The following ZNF695 variants were observed in gnomAD, a reference collection of about 807,000 sequenced individuals.
ZNF695 encodes the protein zinc finger protein SBZF3.
Under a neutral mutation model 11.2 loss-of-function variants are expected in ZNF695, and 11 were observed. The observed-to-expected ratio is 0.98, with a 90% confidence interval of 0.62 to 1.62. The LOEUF is 1.62. Among genes scored for constraint, ZNF695 ranks in the 40% most tolerant of loss-of-function variants. The probability of loss-of-function intolerance (pLI) is 0.00; values close to 1 mark genes in which losing one functional copy is unlikely to be tolerated. For missense variants in ZNF695, 559 were observed against 590.5 expected (o/e 0.95, Z 0.55); for synonymous variants, 190 against 201.4 (o/e 0.94, Z 0.48).
At chr1:246,960,370 A>G (rs553961350) in intron 5 of ZNF695, among the ~76,000 whole-genome samples, 1 of 152,294 alleles carries the variant, frequency 6.6e-6, no homozygotes, top group East Asian at 1.9e-4. Context: ...AAAAATTTAT[A>G]TTATATAGAG....
rs777835250 is a variant in ZNF695, at chr1:246,999,391, T to C, written c.216A>G (p.Lys72=). The C allele has an allele frequency of 3.7e-6, 6 of 1,614,126 alleles. No homozygotes were observed. The highest frequency in any genetic ancestry group is 1.7e-5 in the Admixed American group (1 of 60,026). Residue 72 remains lysine, a synonymous_variant, in exon 3 of 4, where the codon AAA becomes AAG. Coordinates refer to ENST00000339986, the MANE Select transcript of ZNF695 (RefSeq NM_020394.5). ...TCTCTGTGTTCACGTTCCAGGGCTC[T>C]TTCCTTGCCTCCAGACAGATGATCA... is the stretch of plus-strand genomic sequence containing the variant. ...PELIICLEAR[K]EPWNVNTEKT...
chr1:247,007,633 GC>G (rs1466799610), intron 1 of ZNF695, among the ~76,000 whole-genome samples: 1 of 152,030 alleles, frequency 6.6e-6, no homozygotes, highest in Admixed American at 6.6e-5. Flanking sequence ...ACGCGGCGCT[GC>G]GGGCGCGGGG....
chr1:246,945,859 A>T (rs1453464535), intron 5 of ZNF695: 1 of 1,549,868 alleles, frequency 6.5e-7, no homozygotes, highest in African/African-American at 1.4e-5. Flanking sequence ...AAGCAGCTTA[A>T]GGTTCCGAGT....
intron 3 of ZNF695, among the ~76,000 whole-genome samples, chr1:246,995,261 A>T (rs1450509146): frequency 6.6e-6 from 1 of 152,254 alleles, no homozygotes; most frequent in Non-Finnish European, 1.5e-5. Context: ...AGAAATCAGT[A>T]ACAGAAAGAA....
chr1:246,982,441 C>T (rs1455018671), downstream of ZNF695, among the ~76,000 whole-genome samples: 1 of 152,168 alleles, frequency 6.6e-6, no homozygotes, highest in African/African-American at 2.4e-5. Context: ...CATTAACTCT[C>T]CTTAAGAATT....
rs563247920 is a variant in ZNF695 at position 246,990,624 on chromosome 1, T to A, written c.260-2369A>T. Among the ~76,000 whole-genome samples, 20 of 152,364 alleles carry A rather than the reference T, an allele frequency of 1.3e-4. No homozygotes were observed. The South Asian group carries it at 2.9e-3, about 22-fold the overall frequency. On this transcript the variant is annotated intron_variant, in intron 3 of 3. Coordinates refer to ENST00000339986, the MANE Select transcript of ZNF695 (RefSeq NM_020394.5). The stretch of plus-strand genomic sequence containing the variant: ...CTATATGCCAAATGGATCTAATAGA[T>A]AGTTGCAGAACGTTTCATGCAACAG...
Position 246,987,561 on chromosome 1 carries a change from ATGAATTCTCTTG to A in ZNF695, c.942_953del (p.Lys315_His318del). On this transcript the variant is annotated inframe_deletion, in exon 4 of 4. Coordinates refer to ENST00000339986, the MANE Select transcript of ZNF695 (RefSeq NM_020394.5). ...CACACTTGTAGGGTTTCTCTCTACT[ATGAATTCTCTTG>A]TGTTGAGTAAGGTATGGGAACAACT... 6.3e-7 allele frequency: 1 copy of A among 1,598,888 alleles called. No homozygotes were observed. The highest frequency in any genetic ancestry group is 8.5e-7 in the Non-Finnish European group (1 of 1,174,052).
downstream of ZNF695, among the ~76,000 whole-genome samples, chr1:246,980,637 T>C (rs992127447): frequency 6.6e-6 from 1 of 152,006 alleles, no homozygotes; most frequent in African/African-American, 2.4e-5. Context: ...AGGCTGGTTT[T>C]GAACTCCTGA....
At chr1:246,964,852 CAG>C (rs1668246839) in intron 5 of ZNF695, among the ~76,000 whole-genome samples, 1 of 152,044 alleles carries the variant, frequency 6.6e-6, no homozygotes, top group Non-Finnish European at 1.5e-5. Context: ...GCCTGTGCAA[CAG>C]AGTGAGTGAG....
intron 5 of ZNF695, among the ~76,000 whole-genome samples, chr1:246,953,685 G>A (rs1294571007): frequency 5.3e-5 from 8 of 152,120 alleles, no homozygotes; most frequent in African/African-American, 1.9e-4. Context: ...CACTTTGAGA[G>A]GACAAGGTAG....
intron 4 of ZNF695, among the ~76,000 whole-genome samples, chr1:246,971,053 C>A (rs866143069): frequency 6.6e-6 from 1 of 152,126 alleles, no homozygotes; most frequent in Non-Finnish European, 1.5e-5. Flanking sequence ...CACCTAAATG[C>A]GGAGATGGGT....
At chr1:246,951,820 T>C (rs1428440659) in intron 5 of ZNF695, among the ~76,000 whole-genome samples, 2 of 152,208 alleles carry the variant, frequency 1.3e-5, no homozygotes, top group African/African-American at 4.8e-5. Flanking sequence ...ATGAGCCCCA[T>C]AGGCTTTGTC....
chr1:246,995,556 G>C (rs79689698), intron 3 of ZNF695, among the ~76,000 whole-genome samples: 1 of 152,086 alleles, frequency 6.6e-6, no homozygotes, highest in South Asian at 2.1e-4. Flanking sequence ...ATGGCCACGC[G>C]CAGTGGCTCA....
intron 1 of ZNF695, 143 bp downstream of exon 1, chr1:247,007,763 C>A (rs1033912690): frequency 3.2e-6 from 3 of 940,004 alleles, no homozygotes; most frequent in Non-Finnish European, 2.9e-6. Flanking sequence ...GACTGAGGGC[C>A]GAGCTGCGCC....
chr1:246,999,975 C>G lies in ZNF695; in HGVS notation c.103G>C (p.Glu35Gln). The G allele has an allele frequency of 6.2e-7, 1 of 1,614,158 alleles. No homozygotes were observed. The highest frequency in any genetic ancestry group is 8.5e-7 in the Non-Finnish European group (1 of 1,180,026). Residue 35 changes from glutamate (E) to glutamine (Q), a missense_variant, in exon 2 of 4, where the codon GAG becomes CAG. By Grantham distance (29) the Glu-to-Gln change is conservative. Transcript: ENST00000339986. ...QRSLYRDVML[E>Q]NYRNLISLGE... The stretch of plus-strand genomic sequence containing the variant: ...AGGGAGATCAGGTTTCTGTAGTTCT[C>G]TAACATCACATCCCTATACAAACTC...
chr1:246,999,096 C>G (rs1218547122), intron 3 of ZNF695, among the ~76,000 whole-genome samples: 1 of 151,726 alleles, frequency 6.6e-6, no homozygotes, highest in African/African-American at 2.4e-5. Flanking sequence ...TCATGCAGTC[C>G]CCTATAAACT....
chr1:247,007,170 A>C (rs890338748), intron 1 of ZNF695, among the ~76,000 whole-genome samples: 1 of 152,144 alleles, frequency 6.6e-6, no homozygotes, highest in African/African-American at 2.4e-5. Context: ...TGCTGGAATA[A>C]ACTCCTTAAC....
intron 5 of ZNF695, among the ~76,000 whole-genome samples, chr1:246,952,110 G>A (rs1667882396): frequency 1.3e-5 from 2 of 152,158 alleles, no homozygotes; most frequent in South Asian, 2.1e-4. Flanking sequence ...TACCACATCT[G>A]GCTAATTTTT....
chr1:246,968,083 T>C (rs1668334283), intron 4 of ZNF695: 1 of 152,772 alleles, frequency 6.5e-6, no homozygotes, highest in Non-Finnish European at 1.5e-5. Flanking sequence ...TCTTAACTCA[T>C]TTCAGCATTA....
Sources: allele counts gnomAD v4.1 joint callset (sites outside exome capture counted in the v4.1 genomes callset), GRCh38; gene constraint gnomAD v4.1.1; transcripts MANE v1.5; gene names NCBI Gene and HGNC (gene_info 2026-07-23, HGNC 2026-07-21).